Variants in PMEPA1 observed in about 807,000 individuals in gnomAD.
PMEPA1 encodes the protein prostate transmembrane protein, androgen induced 1, also known as protein TMEPAI.
In PMEPA1, 11 loss-of-function variants were observed where a neutral mutation model predicts 23.0. That is an observed-to-expected ratio of 0.48 (90% CI 0.30 to 0.79). The LOEUF (loss-of-function observed/expected upper bound fraction) is 0.79, where lower values mean the gene tolerates loss of function less well. Ranked by LOEUF, PMEPA1 falls within the 30% of genes least tolerant of loss-of-function variation. The pLI is 0.06. For synonymous variants in PMEPA1, 204 were observed against 166.4 expected, an observed-to-expected ratio of 1.23 and a Z score of -1.74; for missense variants, 377 against 390.9, an observed-to-expected ratio of 0.96 and a Z score of 0.30.
At chr20:57,686,418 C>CCTTCCTTCCTTT (rs1179944360) in intron 1 of PMEPA1, among the ~76,000 whole-genome samples, 1 of 152,086 alleles carries the variant, frequency 6.6e-6, no homozygotes, top group Non-Finnish European at 1.5e-5. Flanking sequence ...TCCTGTCCTC[C>CCTTCCTTCCTTT]CTTCCTTCCT....
At chr20:57,680,460 C>T (rs891736229) in intron 1 of PMEPA1, among the ~76,000 whole-genome samples, 1 of 152,192 alleles carries the variant, frequency 6.6e-6, no homozygotes, top group African/African-American at 2.4e-5. Flanking sequence ...AAACATCCAC[C>T]CTGCCACGCA....
chr20:57,673,066 C>T (rs2071590786), intron 1 of PMEPA1, among the ~76,000 whole-genome samples: 1 of 152,172 alleles, frequency 6.6e-6, no homozygotes, highest in African/African-American at 2.4e-5. Flanking sequence ...CTGGGCCCAA[C>T]ATGCCGGTTC....
chr20:57,652,834 G>C lies in PMEPA1; in HGVS notation c.318+199C>G, dbSNP rs56813322. On this transcript the variant is annotated intron_variant, in intron 3 of 3. Coordinates refer to ENST00000341744, the MANE Select transcript of PMEPA1 (RefSeq NM_020182.5). This position sits in a 1 kb window ranked among gnomAD's most constrained non-coding sequence, Gnocchi z 6.1. The stretch of plus-strand genomic sequence containing the variant: ...AAACAGTGGCAGCGTCCGTGCTCCC[G>C]TGTGCAGAGAGCAGAGAGCTGGGCT... Among the ~76,000 whole-genome samples, 362 of 152,310 alleles carry C rather than the reference G, an allele frequency of 2.4e-3. 1 individual carries two copies. The highest frequency in any genetic ancestry group is 8.1e-3 in the African/African-American group (337 of 41,578).
intron 1 of PMEPA1, among the ~76,000 whole-genome samples, chr20:57,676,918 T>TA (rs1199201177): frequency 2.6e-5 from 4 of 152,150 alleles, no homozygotes; most frequent in East Asian, 1.9e-4. Context: ...GAACAATCTT[T>TA]AAAAAAAATC....
chr20:57,705,572 C>G (rs2072071046), intron 1 of PMEPA1, among the ~76,000 whole-genome samples: 1 of 152,232 alleles, frequency 6.6e-6, no homozygotes, highest in African/African-American at 2.4e-5. Context: ...GAGGAAGCCC[C>G]TATCTTTCCT....
chr20:57,672,630 A>G (rs1452501874), intron 1 of PMEPA1, among the ~76,000 whole-genome samples: 1 of 152,114 alleles, frequency 6.6e-6, no homozygotes, highest in African/African-American at 2.4e-5. Context: ...AGAGGGGCCC[A>G]GCTATTCTCG....
chr20:57,705,066 C>A (rs542415571), intron 1 of PMEPA1, among the ~76,000 whole-genome samples: 1 of 152,286 alleles, frequency 6.6e-6, no homozygotes, highest in East Asian at 1.9e-4. Flanking sequence ...CATTCCCAAC[C>A]CAAAGAGAAG....
chr20:57,708,930 C>T (rs2072124874), intron 1 of PMEPA1, among the ~76,000 whole-genome samples: 2 of 151,990 alleles, frequency 1.3e-5, no homozygotes, highest in Non-Finnish European at 2.9e-5. Flanking sequence ...CCAGACACCC[C>T]GAGAGACGCC....
At position 57,652,821 on chromosome 20, in the gene PMEPA1, C is replaced by T. The variant is rs924090856; in HGVS notation, c.318+212G>A. Among the ~76,000 whole-genome samples the T allele has an allele frequency of 6.6e-6, 1 of 152,146 alleles. No homozygotes were observed. The highest frequency in any genetic ancestry group is 6.5e-5 in the Admixed American group (1 of 15,292). On this transcript the variant is annotated intron_variant, in intron 3 of 3. Coordinates refer to ENST00000341744, the MANE Select transcript of PMEPA1 (RefSeq NM_020182.5). The surrounding 1 kb of genome is among the most constrained non-coding windows in gnomAD (Gnocchi z 6.1). ...ACCGCCCTCCTCCAAACAGTGGCAG[C>T]GTCCGTGCTCCCGTGTGCAGAGAGC...
chr20:57,677,371 ATCT>A (rs1361917908), intron 1 of PMEPA1, among the ~76,000 whole-genome samples: 1 of 152,144 alleles, frequency 6.6e-6, no homozygotes, highest in African/African-American at 2.4e-5. Context: ...ATGAGAAACC[ATCT>A]TCTTTCTAAG....
In PMEPA1 at chr20:57,656,301, C is replaced by A. The variant is rs1375828740; in HGVS notation, c.265-3215G>T. Among the ~76,000 whole-genome samples, 1 of 151,338 alleles carries A rather than the reference C, an allele frequency of 6.6e-6. No homozygotes were observed. On this transcript the variant is annotated intron_variant, in intron 2 of 3. Coordinates refer to ENST00000341744, the MANE Select transcript of PMEPA1 (RefSeq NM_020182.5). The surrounding 1 kb of genome is among the most constrained non-coding windows in gnomAD (Gnocchi z 4.7). The stretch of plus-strand genomic sequence containing the variant: ...TTGGCTCCCGCTGCTGGCAGATTGT[C>A]GCACATTGGCCTGGCCACAGTCTTG...
intron 1 of PMEPA1, chr20:57,690,310 A>T: frequency 1.5e-6 from 1 of 683,000 alleles, no homozygotes; most frequent in Non-Finnish European, 2.4e-6. Flanking sequence ...CAGTGCCTGC[A>T]CCCACCCCCA....
At chr20:57,700,894 A>G (rs1250524979) in intron 1 of PMEPA1, among the ~76,000 whole-genome samples, 1 of 152,024 alleles carries the variant, frequency 6.6e-6, no homozygotes, top group Non-Finnish European at 1.5e-5. Context: ...GCCAGGTGTG[A>G]TGACTCATGC....
rs1211079291 is a variant in PMEPA1 at position 57,649,993 on chromosome 20, C to T, written c.*2060G>A. On this transcript the variant is annotated 3_prime_UTR_variant, in exon 4 of 4. Transcript: ENST00000341744. ...ACCTGTACTGATTTCTCTGCAGGACCTTTTCAAAGAATCCTCTTCAAGAGA... is the reference window on the plus strand; with the variant it reads ...ACCTGTACTGATTTCTCTGCAGGACTTTTTCAAAGAATCCTCTTCAAGAGA... 1 of 152,636 alleles carries T rather than the reference C, an allele frequency of 6.6e-6. No homozygotes were observed. Among genetic ancestry groups the T allele is most frequent in the Non-Finnish European group, 1.5e-5 (1 of 68,036 alleles). The allele number at this position is 152,636 out of a possible 1,614,324, so 9.5% of individuals were successfully genotyped here.
chr20:57,693,693 A>T (rs1220114267), intron 1 of PMEPA1, among the ~76,000 whole-genome samples: 1 of 151,690 alleles, frequency 6.6e-6, no homozygotes, highest in East Asian at 1.9e-4. Flanking sequence ...ATCACAGAAC[A>T]ATTAAATTAA....
chr20:57,681,466 C>A (rs1402150472), intron 1 of PMEPA1, among the ~76,000 whole-genome samples: 1 of 152,188 alleles, frequency 6.6e-6, no homozygotes, highest in East Asian at 1.9e-4. Context: ...GTGTCCCCTG[C>A]CTGAGACGAC....
chr20:57,690,516 ATTGTG>A, intron 1 of PMEPA1: 3 of 1,298,980 alleles, frequency 2.3e-6, no homozygotes, highest in Admixed American at 4.6e-5. Flanking sequence ...TGCTATTTTT[ATTGTG>A]AAGCAAAAAA....
At position 57,694,388 on chromosome 20, in the gene PMEPA1, T is replaced by C. The variant is rs559779643; in HGVS notation, c.109+15086A>G. On this transcript the variant is annotated intron_variant, in intron 1 of 3. Coordinates refer to ENST00000341744, the MANE Select transcript of PMEPA1 (RefSeq NM_020182.5). ...TATTACTTAACCCGATCTTAAGCAA[T>C]AATACTCACGAAATCGACAATGTGC... Among the ~76,000 whole-genome samples, 216 of 152,382 alleles carry C rather than the reference T, an allele frequency of 1.4e-3. 1 individual carries two copies. Among genetic ancestry groups the C allele is most frequent in the Non-Finnish European group, 2.7e-3 (182 of 68,032 alleles).
intron 1 of PMEPA1, among the ~76,000 whole-genome samples, chr20:57,678,646 T>G (rs2071671166): frequency 1.3e-5 from 2 of 152,230 alleles, no homozygotes; most frequent in South Asian, 4.1e-4. Context: ...TCTCTCCACT[T>G]GCAGGTCTGG....
Sources: gnomAD v4.1 joint callset for allele counts (sites outside exome capture counted in the v4.1 genomes callset) on GRCh38, gnomAD v4.1.1 for gene constraint, Gnocchi (gnomAD v3.1) non-coding constraint, MANE v1.5 for transcripts, NCBI Gene and HGNC (gene_info 2026-07-23, HGNC 2026-07-21) for gene names.